Variants in USP12 observed in about 807,000 individuals in gnomAD.
The protein encoded by USP12 is ubiquitin specific peptidase 12.
A neutral mutation model predicts 45.5 loss-of-function variants in USP12; 19 were observed. The ratio of observed to expected loss-of-function variants is 0.42; its 90% CI spans 0.29 to 0.61. USP12 has a LOEUF of 0.61. Among genes scored for constraint, USP12 ranks in the 20% least tolerant of loss-of-function variants. USP12 has a pLI of 0.22. For synonymous variants in USP12, 149 were observed against 148.8 expected, an observed-to-expected ratio of 1.00 and a Z score of -0.01; for missense variants, 242 against 447.7, an observed-to-expected ratio of 0.54 and a Z score of 4.15.
intron 1 of USP12, among the ~76,000 whole-genome samples, chr13:27,150,025 G>A (rs1413993193): frequency 6.6e-6 from 1 of 152,224 alleles, no homozygotes; most frequent in Non-Finnish European, 1.5e-5. Flanking sequence ...CTGTTCTACA[G>A]CACTGCAGGG....
At position 27,171,729 on chromosome 13, in the gene USP12, G is replaced by A. The variant is rs1372104884; in HGVS notation, c.-90C>T. ...GCCGCCCGCTCGCACCGCAGCCCGC[G>A]GGCGGACCCCGAGCCGCCGCGGACC... On this transcript the variant is annotated 5_prime_UTR_variant, in exon 1 of 9. Transcript: ENST00000282344. 2.6e-5 allele frequency: 23 copies of A among 873,382 alleles called. No homozygotes were observed. The highest frequency in any genetic ancestry group is 5.9e-5 in the Admixed American group (1 of 16,900). The allele number at this position is 873,382 out of a possible 1,614,324, so 54.1% of individuals were successfully genotyped here.
chr13:27,086,185 A>ATATAT lies in USP12; in HGVS notation c.734+3697_734+3698insATATA, dbSNP rs1343835143. On this transcript the variant is annotated intron_variant, in intron 6 of 8. Transcript: ENST00000282344. ...ATCTTTTGTCTCTTTAAAAAAAAAA[A>ATATAT]AAAAAAAAAAAAATATATATATATA... 5.9e-3 allele frequency among the ~76,000 whole-genome samples: 348 copies of ATATAT among 58,734 alleles called. 5 individuals are homozygous for ATATAT. The highest frequency in any genetic ancestry group is 0.012 in the East Asian group (31 of 2,552). The allele number at this position is 58,734 out of a possible 152,430, so 38.5% of individuals were successfully genotyped here.
intron 3 of USP12, among the ~76,000 whole-genome samples, chr13:27,097,907 G>T (rs575045666): frequency 1.3e-5 from 2 of 152,084 alleles, no homozygotes; most frequent in South Asian, 2.1e-4. Flanking sequence ...GATATTTTGG[G>T]GATGTGACTC....
At chr13:27,085,372 G>A (rs1873964813) in intron 6 of USP12, among the ~76,000 whole-genome samples, 1 of 152,036 alleles carries the variant, frequency 6.6e-6, no homozygotes, top group East Asian at 1.9e-4. Flanking sequence ...GTAGAGACGG[G>A]GTTTTAGCAT....
At position 27,108,530 on chromosome 13, in the gene USP12, TA is replaced by T. The variant is rs57854009; in HGVS notation, c.130-2587del. 2.8e-3 allele frequency among the ~76,000 whole-genome samples: 411 copies of T among 145,472 alleles called. 2 individuals are homozygous for T. The highest frequency in any genetic ancestry group is 9.7e-3 in the African/African-American group (386 of 39,592). ...CACATGTACCCTAAAACTTAAAGCA[TA>T]AAAAAAAAAAAAGAAATGTACAATG... On this transcript the variant is annotated intron_variant, in intron 2 of 8. Transcript: ENST00000282344.
chr13:27,069,499 C>G (rs1873139991), intron 8 of USP12, 115 bp from the exon 9 acceptor site: 1 of 786,250 alleles, frequency 1.3e-6, no homozygotes, highest in Non-Finnish European at 2.1e-6. Context: ...GAAAATGGAA[C>G]TCTCACACAC....
In USP12 at chr13:27,171,789, G is replaced by T. The variant is rs1437668539; in HGVS notation, c.-150C>A. ...AGCCCGCTGGGCCGCCGCTGCCGTC[G>T]TCGCCGCCGGCGCTCAGGCACTCCC... is the stretch of plus-strand genomic sequence containing the variant. On this transcript the variant is annotated 5_prime_UTR_variant, in exon 1 of 9. Coordinates refer to ENST00000282344, the MANE Select transcript of USP12 (RefSeq NM_182488.4). 4.6e-5 allele frequency: 12 copies of T among 262,344 alleles called. No individual in the cohort carries two copies. The highest frequency in any genetic ancestry group is 2.6e-4 in the African/African-American group (11 of 42,182). 16.3% of individuals were successfully genotyped at this position (262,344 alleles called of 1,614,324 possible).
chr13:27,075,121 G>A (rs1202271938), intron 7 of USP12, 70 bp downstream of exon 7: 21 of 1,450,698 alleles, frequency 1.4e-5, no homozygotes, highest in Non-Finnish European at 1.6e-5. Flanking sequence ...AATAATTCAT[G>A]AACATCTTGA....
intron 1 of USP12, 107 bp downstream of exon 1, chr13:27,171,485 G>A (rs1275901246): frequency 8.0e-5 from 7 of 87,294 alleles, no homozygotes; most frequent in African/African-American, 3.4e-4. Flanking sequence ...CCGCCCGCCC[G>A]CCCCGGCGCT....
chr13:27,073,586 AG>A (rs1283239453), intron 7 of USP12, among the ~76,000 whole-genome samples: 2 of 152,200 alleles, frequency 1.3e-5, no homozygotes, highest in Admixed American at 1.3e-4. Context: ...GTATATTGTG[AG>A]TAGAGCAATT....
At chr13:27,151,174 C>CA (rs1877551184) in intron 1 of USP12, among the ~76,000 whole-genome samples, 3 of 151,664 alleles carry the variant, frequency 2.0e-5, no homozygotes, top group Admixed American at 1.3e-4. Flanking sequence ...ACTAAAAATA[C>CA]AAAAAAATTA....
chr13:27,100,269 T>G (rs1162744643), intron 3 of USP12, among the ~76,000 whole-genome samples: 1 of 152,168 alleles, frequency 6.6e-6, no homozygotes, highest in African/African-American at 2.4e-5. Context: ...TCTCCTATCC[T>G]CTACTACTCT....
chr13:27,121,724 G>A (rs1266250410), intron 1 of USP12, among the ~76,000 whole-genome samples: 3 of 152,030 alleles, frequency 2.0e-5, no homozygotes, highest in Non-Finnish European at 4.4e-5. Flanking sequence ...AGGTGGGCAT[G>A]GTGGCAGGCA....
chr13:27,075,125 A>T, intron 7 of USP12, 66 bp downstream of exon 7: 1 of 1,481,746 alleles, frequency 6.7e-7, no homozygotes, highest in Non-Finnish European at 9.3e-7. Flanking sequence ...ATTCATGAAC[A>T]TCTTGAATGT....
chr13:27,150,509 A>G (rs1356497353), intron 1 of USP12, among the ~76,000 whole-genome samples: 1 of 152,216 alleles, frequency 6.6e-6, no homozygotes, highest in Non-Finnish European at 1.5e-5. Context: ...TAAAATGGCA[A>G]TACTCCACAA....
In USP12 at chr13:27,072,479, G is replaced by A. The variant is rs560304309; in HGVS notation, c.933-1330C>T. Among the ~76,000 whole-genome samples the A allele has an allele frequency of 5.3e-5, 8 of 152,280 alleles. No homozygotes were observed. In the South Asian group the frequency reaches 1.7e-3, roughly 32 times the overall value. ...TAAGGAAGTTGTTTCTTAGGCATCTGATTTCTGGACATTAAACACACTCAG... is the reference window on the plus strand; with the variant it reads ...TAAGGAAGTTGTTTCTTAGGCATCTAATTTCTGGACATTAAACACACTCAG... On this transcript the variant is annotated intron_variant, in intron 7 of 8. Transcript: ENST00000282344.
chr13:27,116,198 G>C lies in USP12; in HGVS notation c.129+318C>G, dbSNP rs145985354. Among the ~76,000 whole-genome samples, 566 of 151,806 alleles carry C rather than the reference G, an allele frequency of 3.7e-3. 1 individual carries two copies. The highest frequency in any genetic ancestry group is 0.013 in the African/African-American group (542 of 41,386). ...ATGGTGGCAGGCGCCTGTAGTCCCAGCTACTCGGGAGGCTGAGGCAGGAGA... is the reference window on the plus strand; with the variant it reads ...ATGGTGGCAGGCGCCTGTAGTCCCACCTACTCGGGAGGCTGAGGCAGGAGA... On this transcript the variant is annotated intron_variant, in intron 2 of 8. Coordinates refer to ENST00000282344, the MANE Select transcript of USP12 (RefSeq NM_182488.4).
chr13:27,128,789 C>G (rs1209082887), intron 1 of USP12, among the ~76,000 whole-genome samples: 1 of 152,218 alleles, frequency 6.6e-6, no homozygotes, highest in Non-Finnish European at 1.5e-5. Context: ...GTGAGAAAAC[C>G]TGTGTTGATG....
At chr13:27,084,497 GAAAAAAAA>G (rs397851869) in intron 6 of USP12, among the ~76,000 whole-genome samples, 2 of 98,514 alleles carry the variant, frequency 2.0e-5, no homozygotes, top group South Asian at 3.3e-4. Flanking sequence ...ACAGTGAGAT[GAAAAAAAA>G]AAAAAAAAAA....
Sources: gnomAD v4.1 joint callset for allele counts (sites outside exome capture counted in the v4.1 genomes callset) on GRCh38, gnomAD v4.1.1 for gene constraint, MANE v1.5 for transcripts, NCBI Gene and HGNC (gene_info 2026-07-23, HGNC 2026-07-21) for gene names.